The following NUP133 variants were observed in gnomAD, a reference collection of about 807,000 sequenced individuals.
The protein encoded by NUP133 is nuclear pore complex protein Nup133.
Under a neutral mutation model 146.2 loss-of-function variants are expected in NUP133, and 66 were observed. The observed-to-expected ratio is 0.45, with a 90% CI of 0.37 to 0.55. The LOEUF is 0.55. Ranked by LOEUF, NUP133 falls within the 20% of genes least tolerant of loss-of-function variation. The pLI, the probability that NUP133 is intolerant of heterozygous loss-of-function variation, is 0.00. For synonymous variants in NUP133, 521 were observed against 498.8 expected, an observed-to-expected ratio of 1.04 and a Z score of -0.59; for missense variants, 1,277 against 1,374.8, an observed-to-expected ratio of 0.93 and a Z score of 1.12.
At position 229,498,626 on chromosome 1, in the gene NUP133, C is replaced by T. The variant is rs536872385; in HGVS notation, c.649-320G>A. ...CAAAAATTAGCTGGGCGTGGCGGTG[C>T]GCACCTGTAATCCCAGCCACTTGGG... On this transcript the variant is annotated intron_variant, in intron 5 of 25. Coordinates refer to ENST00000261396, the MANE Select transcript of NUP133 (RefSeq NM_018230.3). 8.3e-4 allele frequency among the ~76,000 whole-genome samples: 126 copies of T among 152,052 alleles called. 1 individual carries two copies. The South Asian group carries it at 0.025, about 31-fold the overall frequency.
chr1:229,452,757 G>A (rs992224720), intron 21 of NUP133, 114 bp from the exon 22 acceptor site: 1 of 650,652 alleles, frequency 1.5e-6, no homozygotes, highest in Non-Finnish European at 2.6e-6. Context: ...TAGCTCCAGA[G>A]GTAAACCTAT....
chr1:229,465,353 C>T, intron 17 of NUP133, 67 bp downstream of exon 17: 1 of 1,282,114 alleles, frequency 7.8e-7, no homozygotes, highest in Non-Finnish European at 1.1e-6. Flanking sequence ...GGGAATAACA[C>T]AACTTCTAAA....
Position 229,500,276 on chromosome 1 carries a change from G to C in NUP133, c.514-458C>G, listed in dbSNP as rs946669292. Among the ~76,000 whole-genome samples, 16 of 151,254 alleles carry C rather than the reference G, an allele frequency of 1.1e-4. 1 individual carries two copies. Among genetic ancestry groups the C allele is most frequent in the African/African-American group, 3.9e-4 (16 of 41,158 alleles). The stretch of plus-strand genomic sequence containing the variant: ...TTTTCTTTTATGGATCATGCTTTTG[G>C]TGATTTCCAAGAACTCTGTCTAATC... On this transcript the variant is annotated intron_variant, in intron 4 of 25. Coordinates refer to ENST00000261396, the MANE Select transcript of NUP133 (RefSeq NM_018230.3).
intron 16 of NUP133, among the ~76,000 whole-genome samples, chr1:229,466,281 G>C (rs1347537932): frequency 2.0e-5 from 3 of 152,184 alleles, no homozygotes; most frequent in African/African-American, 7.2e-5. Flanking sequence ...GTTACAGTGA[G>C]CTATGATGGT....
chr1:229,447,601 A>C (rs1279180290), intron 24 of NUP133, among the ~76,000 whole-genome samples: 1 of 151,278 alleles, frequency 6.6e-6, no homozygotes, highest in Non-Finnish European at 1.5e-5. Context: ...ATATCCAGGG[A>C]GGGAAGAGGG....
At chr1:229,478,213 C>T (rs1472925593) in intron 12 of NUP133, among the ~76,000 whole-genome samples, 1 of 152,050 alleles carries the variant, frequency 6.6e-6, no homozygotes, top group Non-Finnish European at 1.5e-5. Context: ...TAGGTTTTGG[C>T]TCAAAGTTAC....
At chr1:229,500,921 C>G in intron 3 of NUP133, 58 bp from the exon 4 acceptor site, 1 of 1,017,750 alleles carries the variant, frequency 9.8e-7, no homozygotes, top group Non-Finnish European at 1.5e-6. Context: ...TTTGAAGATG[C>G]ATCTGATTTC....
Position 229,449,174 on chromosome 1 carries a change from A to C in NUP133, c.3197T>G (p.Ile1066Arg). The change falls in exon 24 of 26, where the codon ATA becomes AGA. Residue 1066 changes from isoleucine (I) to arginine (R), a missense_variant. Coordinates refer to ENST00000261396, the MANE Select transcript of NUP133 (RefSeq NM_018230.3). ...EYIDEEEDIN[I>R]NDLKLEILCK... Reference sequence around the variant, plus strand: ...AAGGATTTCCAGTTTTAGATCATTTATATTTATATCTTCTTCCTTCACAGC... The same window carrying C: ...AAGGATTTCCAGTTTTAGATCATTTCTATTTATATCTTCTTCCTTCACAGC... 6.2e-7 allele frequency: 1 copy of C among 1,609,540 alleles called. No homozygotes were observed. The highest frequency in any genetic ancestry group is 8.5e-7 in the Non-Finnish European group (1 of 1,176,938).
chr1:229,450,548 C>A lies in NUP133; in HGVS notation c.3157G>T (p.Asp1053Tyr). 1.9e-6 allele frequency: 3 copies of A among 1,587,452 alleles called. No homozygotes were observed. Among genetic ancestry groups the A allele is most frequent in the South Asian group, 2.3e-5 (2 of 88,298 alleles). ...ACCTCATCAATATATTCCAACAAGT[C>A]CAAAGCTTTCTTGAAATCATATTCA... ...ANEYDFKKALDLLEYIDEEED... is the reference protein window; with the variant it reads ...ANEYDFKKALYLLEYIDEEED... The change falls in exon 23 of 26, where the codon GAC becomes TAC. Residue 1053 changes from aspartate (D) to tyrosine (Y), a missense_variant. Asp to Tyr is a radical substitution (Grantham distance 160, BLOSUM62 -3). Transcript: ENST00000261396.
chr1:229,443,870 A>C (rs1571901166), intron 25 of NUP133, among the ~76,000 whole-genome samples: 2 of 145,766 alleles, frequency 1.4e-5, no homozygotes, highest in South Asian at 4.4e-4. Flanking sequence ...CTGGAAACAC[A>C]GGCATGCACC....
At chr1:229,456,256 G>A (rs1369699996) in intron 21 of NUP133, among the ~76,000 whole-genome samples, 1 of 152,152 alleles carries the variant, frequency 6.6e-6, no homozygotes, top group African/African-American at 2.4e-5. Context: ...GGAATATCCT[G>A]TTCCCCTAGC....
intron 12 of NUP133, among the ~76,000 whole-genome samples, chr1:229,482,808 T>C (rs1661250150): frequency 6.6e-6 from 1 of 152,158 alleles, no homozygotes; most frequent in South Asian, 2.1e-4. Context: ...ACTTGTTCTC[T>C]TGCCACTCTA....
intron 13 of NUP133, among the ~76,000 whole-genome samples, chr1:229,476,743 GT>G (rs1277019517): frequency 3.9e-5 from 6 of 152,000 alleles, no homozygotes; most frequent in Non-Finnish European, 5.9e-5. Flanking sequence ...GGCCAACATG[GT>G]AAAACTACAT....
chr1:229,477,957 G>A (rs936599729), intron 12 of NUP133, among the ~76,000 whole-genome samples, 197 bp from the exon 13 acceptor site: 7 of 152,112 alleles, frequency 4.6e-5, no homozygotes, highest in Admixed American at 2.6e-4. Context: ...AACTTTACAT[G>A]TTCAATAATT....
chr1:229,487,577 T>C lies in NUP133; in HGVS notation c.1231A>G (p.Asn411Asp), dbSNP rs1476751558. The change falls in exon 10 of 26, where the codon AAC becomes GAC. Residue 411 changes from asparagine to aspartate, a missense_variant. Transcript: ENST00000261396. ...DLILCQLTVP[N>D]FSNQTAYLYN... ...AGATAGGCAGTCTGGTTTGAAAAGT[T>C]TGGGACCGTCAACTGACACAAAATC... 1.9e-6 allele frequency: 3 copies of C among 1,613,190 alleles called. No individual in the cohort carries two copies. Among genetic ancestry groups the C allele is most frequent in the East Asian group, 2.2e-5 (1 of 44,836 alleles).
rs1660671723 is a variant in NUP133, at chr1:229,460,602, C to T, written c.2844+9G>A. On this transcript the variant is annotated intron_variant, in intron 20 of 25. Coordinates refer to ENST00000261396, the MANE Select transcript of NUP133 (RefSeq NM_018230.3). The stretch of plus-strand genomic sequence containing the variant: ...GCACACATCTGCTCCATAGAAAAAT[C>T]CTTCTTACCTTTTCTAATTCTTGGC... 1 of 1,609,262 alleles carries T rather than the reference C, an allele frequency of 6.2e-7. No homozygotes were observed. The highest frequency in any genetic ancestry group is 1.3e-5 in the African/African-American group (1 of 74,684).
chr1:229,448,390 T>G (rs966389578), intron 24 of NUP133, among the ~76,000 whole-genome samples: 8 of 151,944 alleles, frequency 5.3e-5, no homozygotes, highest in Non-Finnish European at 1.0e-4. Flanking sequence ...ATCGCACCAC[T>G]GCACTCCAGG....
At chr1:229,478,703 C>T (rs1055278797) in intron 12 of NUP133, among the ~76,000 whole-genome samples, 1 of 152,088 alleles carries the variant, frequency 6.6e-6, no homozygotes, top group African/African-American at 2.4e-5. Flanking sequence ...AACTATGGCA[C>T]ACATGAAGAA....
At chr1:229,472,639 T>C (rs992437406) in intron 14 of NUP133, among the ~76,000 whole-genome samples, 1 of 146,574 alleles carries the variant, frequency 6.8e-6, no homozygotes, top group Non-Finnish European at 1.5e-5. Flanking sequence ...GCTATGATCA[T>C]GCCACTGCAC....
Sources: gnomAD v4.1 joint callset for allele counts (sites outside exome capture counted in the v4.1 genomes callset) on GRCh38, gnomAD v4.1.1 for gene constraint, MANE v1.5 for transcripts, NCBI Gene and HGNC (gene_info 2026-07-23, HGNC 2026-07-21) for gene names.